PLPP3: variants seen among roughly 807,000 people sequenced by gnomAD.
PLPP3 encodes PAP2 beta.
In PLPP3, 6 loss-of-function variants were observed where a neutral mutation model predicts 29.6. The observed-to-expected ratio is 0.20, with a 90% confidence interval of 0.11 to 0.40. The LOEUF is 0.40. PLPP3 is among the 10% of genes least tolerant of loss of function. The probability of loss-of-function intolerance (pLI) is 1.00; values close to 1 mark genes in which losing one functional copy is unlikely to be tolerated. For missense variants in PLPP3, 308 were observed against 407.7 expected (o/e 0.76, Z 2.11); for synonymous variants, 152 against 159.7 (o/e 0.95, Z 0.36).
intron 1 of PLPP3, among the ~76,000 whole-genome samples, chr1:56,559,347 T>C (rs945485315): frequency 2.0e-5 from 3 of 152,122 alleles, no homozygotes; most frequent in Non-Finnish European, 4.4e-5. Context: ...CTGTGAACAA[T>C]AGATGCCTCT....
intron 4 of PLPP3, among the ~76,000 whole-genome samples, chr1:56,523,547 T>G (rs2798153): frequency 0.19 from 29,388 of 152,152 alleles, 3,057 homozygotes; most frequent in Middle Eastern, 0.26. Context: ...ACAAGTGTCT[T>G]TATCACTTTA....
At chr1:56,515,278 G>A (rs1204208857) in intron 4 of PLPP3, among the ~76,000 whole-genome samples, 1 of 152,146 alleles carries the variant, frequency 6.6e-6, no homozygotes, top group Non-Finnish European at 1.5e-5. Flanking sequence ...ATTTGGAGTG[G>A]CAAGATTTTC....
intron 1 of PLPP3, among the ~76,000 whole-genome samples, chr1:56,550,029 G>T (rs975889564): frequency 3.9e-5 from 6 of 152,206 alleles, no homozygotes; most frequent in African/African-American, 1.2e-4. Context: ...CCACAGAGAA[G>T]TAGGCCAGAA....
At chr1:56,511,706 C>T (rs1645742117) in intron 5 of PLPP3, among the ~76,000 whole-genome samples, 1 of 151,938 alleles carries the variant, frequency 6.6e-6, no homozygotes, top group African/African-American at 2.4e-5. Flanking sequence ...AGCTCTCTTC[C>T]AATTGCAACA....
At chr1:56,557,666 A>G (rs1185221568) in intron 1 of PLPP3, among the ~76,000 whole-genome samples, 1 of 152,172 alleles carries the variant, frequency 6.6e-6, no homozygotes, top group Non-Finnish European at 1.5e-5. Context: ...ATGTACCTCC[A>G]TGGATCATTT....
At chr1:56,544,743 T>C (rs888253760) in intron 1 of PLPP3, among the ~76,000 whole-genome samples, 5 of 152,204 alleles carry the variant, frequency 3.3e-5, no homozygotes, top group African/African-American at 1.2e-4. Context: ...ACATGAACTA[T>C]GTCTATTCAC....
intron 5 of PLPP3, among the ~76,000 whole-genome samples, chr1:56,505,931 C>T (rs1435235748): frequency 3.3e-5 from 5 of 152,162 alleles, no homozygotes; most frequent in African/African-American, 4.8e-5. Flanking sequence ...TATCTATTGG[C>T]GGCCAAAGTT....
chr1:56,519,283 A>G (rs541675364), intron 4 of PLPP3, among the ~76,000 whole-genome samples: 4 of 152,078 alleles, frequency 2.6e-5, no homozygotes, highest in Admixed American at 2.0e-4. Flanking sequence ...TCATGTGACT[A>G]ACTACCTCTA....
intron 1 of PLPP3, among the ~76,000 whole-genome samples, chr1:56,554,187 A>G (rs911815431): frequency 1.3e-5 from 2 of 151,396 alleles, no homozygotes; most frequent in Non-Finnish European, 2.9e-5. Context: ...CTTTTTTTTT[A>G]GTCCTGTGAC....
At chr1:56,549,047 C>T (rs1646022730) in intron 1 of PLPP3, among the ~76,000 whole-genome samples, 1 of 152,116 alleles carries the variant, frequency 6.6e-6, no homozygotes, top group Non-Finnish European at 1.5e-5. Context: ...GTTCCTAAAA[C>T]AATAGATGCT....
intron 1 of PLPP3, among the ~76,000 whole-genome samples, chr1:56,542,224 G>C (rs1645975737): frequency 6.6e-6 from 1 of 152,180 alleles, no homozygotes; most frequent in South Asian, 2.1e-4. Context: ...ACTGGGGCAG[G>C]TTGGGTGGTT....
Position 56,495,011 on chromosome 1 carries a change from C to T in PLPP3, c.*1540G>A, listed in dbSNP as rs1247175159. ...GATATTTAAAAAAATTAACTCAATG[C>T]TTTTTTAAGCAGCTAATGTAAATAA... On this transcript the variant is annotated 3_prime_UTR_variant, in exon 6 of 6. Coordinates refer to ENST00000371250, the MANE Select transcript of PLPP3 (RefSeq NM_003713.5). The T allele has an allele frequency of 2.6e-5, 4 of 152,434 alleles. No individual in the cohort carries two copies. The East Asian group carries it at 7.7e-4, about 29-fold the overall frequency. 9.4% of individuals were successfully genotyped at this position (152,434 alleles called of 1,614,324 possible). A position where few individuals can be genotyped will look rare whatever the true frequency, so the allele number is the denominator to read the frequency against.
chr1:56,572,068 G>A (rs200940656), intron 1 of PLPP3, among the ~76,000 whole-genome samples: 2 of 6,752 alleles, frequency 3.0e-4, no homozygotes, highest in African/African-American at 5.0e-4. Flanking sequence ...TTTTTTTTTT[G>A]AGACAGAGTC....
rs776542639 is a variant in PLPP3, at chr1:56,524,489, G to A, written c.363C>T (p.Pro121=). The change falls in exon 3 of 6, where the codon CCC becomes CCT. Residue 121 remains proline (P), a synonymous_variant. Transcript: ENST00000371250. This position sits in a 1 kb window ranked among gnomAD's most constrained non-coding sequence, Gnocchi z 4.3. ...CTTGCTTATAGAGTGCTGCCACGTA[G>A]GGGTTCTGAATCGTCGACCGCGACT... is the stretch of plus-strand genomic sequence containing the variant. ...LKKSRSTIQN[P]YVAALYKQVG... The A allele has an allele frequency of 3.1e-6, 5 of 1,613,986 alleles. No homozygotes were observed. Among genetic ancestry groups the A allele is most frequent in the Admixed American group, 3.3e-5 (2 of 60,004 alleles).
At chr1:56,575,926 C>T (rs1365067051) in intron 1 of PLPP3, among the ~76,000 whole-genome samples, 2 of 152,090 alleles carry the variant, frequency 1.3e-5, no homozygotes, top group Non-Finnish European at 2.9e-5. Context: ...ATAAATATTA[C>T]TTAATTAAAA....
rs1329942034 is a variant in PLPP3, at chr1:56,567,421, G to T, written c.139+11457C>A. Reference sequence around the variant, plus strand: ...TTTTTTTTTTTTTTTTTTTTGAGATGGAGTCTCGCTCTGTCACCCAGGCTG... The same window carrying T: ...TTTTTTTTTTTTTTTTTTTTGAGATTGAGTCTCGCTCTGTCACCCAGGCTG... On this transcript the variant is annotated intron_variant, in intron 1 of 5. Transcript: ENST00000371250. Among the ~76,000 whole-genome samples, 354 of 53,294 alleles carry T rather than the reference G, an allele frequency of 6.6e-3. 2 individuals carry two copies. Among genetic ancestry groups the T allele is most frequent in the African/African-American group, 0.019 (278 of 14,908 alleles). The allele number at this position is 53,294 out of a possible 152,430, so 35.0% of individuals were successfully genotyped here. A position where few individuals can be genotyped will look rare whatever the true frequency, so the allele number is the denominator to read the frequency against.
chr1:56,574,358 T>C (rs1646220934), intron 1 of PLPP3, among the ~76,000 whole-genome samples: 1 of 152,106 alleles, frequency 6.6e-6, no homozygotes, highest in Non-Finnish European at 1.5e-5. Flanking sequence ...CAAGGTATCC[T>C]CCTGCCTCAG....
rs1276676503 is a variant in PLPP3 at position 56,504,717 on chromosome 1, G to A, written c.810+7259C>T. On this transcript the variant is annotated intron_variant, in intron 5 of 5. Transcript: ENST00000371250. ...CCTTCCTTATCTTTTGTATCTTACA[G>A]CAAATGACCATTCATTTTTAAATAA... 3.3e-5 allele frequency among the ~76,000 whole-genome samples: 5 copies of A among 152,082 alleles called. No homozygotes were observed. The East Asian group carries it at 9.6e-4, about 29-fold the overall frequency.
intron 1 of PLPP3, among the ~76,000 whole-genome samples, chr1:56,566,585 T>C (rs183850245): frequency 1.4e-4 from 22 of 152,248 alleles, no homozygotes; most frequent in Non-Finnish European, 2.2e-4. Context: ...CCGATACATA[T>C]CAGCTGTAAG....
Sources: gnomAD v4.1 joint callset for allele counts (sites outside exome capture counted in the v4.1 genomes callset) on GRCh38, gnomAD v4.1.1 for gene constraint, Gnocchi (gnomAD v3.1) non-coding constraint, MANE v1.5 for transcripts, NCBI Gene and HGNC (gene_info 2026-07-23, HGNC 2026-07-21) for gene names.